Variants in PIK3CB observed in about 807,000 individuals in gnomAD.
The protein encoded by PIK3CB is phosphatidylinositol-4,5-bisphosphate 3-kinase catalytic subunit beta.
Under a neutral mutation model 136.8 loss-of-function variants are expected in PIK3CB, and 39 were observed. The ratio of observed to expected loss-of-function variants is 0.29; its 90% confidence interval spans 0.22 to 0.37. The LOEUF (loss-of-function observed/expected upper bound fraction) is 0.37. PIK3CB is among the 10% of genes least tolerant of loss of function. PIK3CB has a pLI of 1.00. For missense variants in PIK3CB, 868 were observed against 1,275.4 expected (o/e 0.68, Z 4.87); for synonymous variants, 428 against 436.6 (o/e 0.98, Z 0.25).
At chr3:138,781,643 A>G (rs2045925243) in intron 2 of PIK3CB, among the ~76,000 whole-genome samples, 1 of 151,822 alleles carries the variant, frequency 6.6e-6, no homozygotes, top group Non-Finnish European at 1.5e-5. Context: ...TTTAGTAGAG[A>G]CTGGGTTTGT....
intron 16 of PIK3CB, among the ~76,000 whole-genome samples, chr3:138,685,675 T>G (rs1413365638): frequency 1.3e-5 from 2 of 152,124 alleles, no homozygotes; most frequent in Non-Finnish European, 2.9e-5. Context: ...AACGAATTAT[T>G]TTATAATAAA....
chr3:138,787,954 GCT>G (rs1002326273), intron 2 of PIK3CB, among the ~76,000 whole-genome samples: 2 of 132,854 alleles, frequency 1.5e-5, no homozygotes, highest in African/African-American at 2.9e-5. Flanking sequence ...ACATGATCTT[GCT>G]CTGTCACCCA....
intron 19 of PIK3CB, among the ~76,000 whole-genome samples, chr3:138,670,161 G>C (rs568606193): frequency 6.6e-6 from 1 of 152,196 alleles, no homozygotes; most frequent in Non-Finnish European, 1.5e-5. Flanking sequence ...AACTTCATTT[G>C]ATGCTAAATG....
intron 2 of PIK3CB, among the ~76,000 whole-genome samples, chr3:138,772,953 T>A (rs1404007607): frequency 1.3e-5 from 2 of 151,834 alleles, no homozygotes; most frequent in East Asian, 1.9e-4. Flanking sequence ...GCCTGGCTAC[T>A]TTTTTTGTAT....
At position 138,827,632 on chromosome 3, in the gene PIK3CB, T is replaced by C. The variant is rs146851887; in HGVS notation, c.-122+7063A>G. Among the ~76,000 whole-genome samples, 1,028 of 151,966 alleles carry C rather than the reference T, an allele frequency of 6.8e-3. 14 individuals are homozygous for C. The highest frequency in any genetic ancestry group is 0.012 in the Non-Finnish European group (783 of 67,978). On this transcript the variant is annotated intron_variant, in intron 1 of 23. Transcript: ENST00000674063. ...AGTTCGAGGTTACGGTGAGCTACGA[T>C]TGTGCCCCTGCACTCCAGCCTGGGT... is the stretch of plus-strand genomic sequence containing the variant.
At chr3:138,704,757 T>A (rs564984613) in intron 11 of PIK3CB, among the ~76,000 whole-genome samples, 2 of 152,240 alleles carry the variant, frequency 1.3e-5, no homozygotes, top group East Asian at 3.9e-4. Flanking sequence ...AGCTAGCATA[T>A]ATATGTCAAA....
intron 1 of PIK3CB, among the ~76,000 whole-genome samples, chr3:138,802,272 C>T (rs1290089091): frequency 2.0e-5 from 3 of 148,062 alleles, no homozygotes; most frequent in African/African-American, 5.0e-5. Flanking sequence ...CCCAGTTACT[C>T]GGGAGGCTGA....
At chr3:138,656,024 A>G (rs1466409273) in intron 23 of PIK3CB, 118 bp downstream of exon 23, 4 of 1,023,184 alleles carry the variant, frequency 3.9e-6, no homozygotes. Flanking sequence ...CCTGGCTAAG[A>G]ACCATCTTAG....
At chr3:138,746,145 C>G (rs1191214140) in intron 4 of PIK3CB, among the ~76,000 whole-genome samples, 1 of 151,886 alleles carries the variant, frequency 6.6e-6, no homozygotes, top group African/African-American at 2.4e-5. Flanking sequence ...ACTCAGGAGG[C>G]TGAGGTGGGA....
chr3:138,674,137 T>G (rs2043596895), intron 19 of PIK3CB, among the ~76,000 whole-genome samples: 1 of 151,288 alleles, frequency 6.6e-6, no homozygotes, highest in Non-Finnish European at 1.5e-5. Flanking sequence ...TATGGTGCAC[T>G]GAAAAGCTCC....
At chr3:138,824,094 T>A (rs750375339) in intron 1 of PIK3CB, among the ~76,000 whole-genome samples, 1 of 152,168 alleles carries the variant, frequency 6.6e-6, no homozygotes, top group Non-Finnish European at 1.5e-5. Flanking sequence ...GTAAATATTA[T>A]AAATTAGTTA....
intron 19 of PIK3CB, among the ~76,000 whole-genome samples, chr3:138,673,325 A>T (rs956044695): frequency 2.8e-5 from 4 of 142,596 alleles, no homozygotes; most frequent in African/African-American, 3.1e-5. Context: ...AAATGGTGAT[A>T]AAAAAAAGAA....
intron 2 of PIK3CB, among the ~76,000 whole-genome samples, chr3:138,762,198 G>A (rs2045672342): frequency 6.6e-6 from 1 of 151,710 alleles, no homozygotes; most frequent in Non-Finnish European, 1.5e-5. Flanking sequence ...GCAGTGAGCA[G>A]AGATTGTGCC....
At chr3:138,797,779 C>G (rs2046125031) in intron 1 of PIK3CB, among the ~76,000 whole-genome samples, 1 of 151,810 alleles carries the variant, frequency 6.6e-6, no homozygotes, top group Admixed American at 6.6e-5. Context: ...TGCTGTGAAC[C>G]TAAAACTACT....
At position 138,704,496 on chromosome 3, in the gene PIK3CB, GT is replaced by G. The variant is rs2044322542; in HGVS notation, c.1531-4del. 2 of 1,596,216 alleles carry G rather than the reference GT, an allele frequency of 1.3e-6. No individual in the cohort carries two copies. Among genetic ancestry groups the G allele is most frequent in the South Asian group, 2.2e-5 (2 of 90,688 alleles). On this transcript the variant is annotated splice_region_variant and splice_polypyrimidine_tract_variant and intron_variant, in intron 11 of 23. Coordinates refer to ENST00000674063, the MANE Select transcript of PIK3CB (RefSeq NM_006219.3). ...ATCTCAGCTGCCTTTTCAATAATCT[GT>G]TTAAAAAAATTAAAGAAAATGAATT...
At chr3:138,728,316 C>T (rs1376330233) in intron 8 of PIK3CB, among the ~76,000 whole-genome samples, 1 of 152,144 alleles carries the variant, frequency 6.6e-6, no homozygotes, top group Non-Finnish European at 1.5e-5. Flanking sequence ...CAAAGAAAGA[C>T]ATTACAAGTC....
intron 12 of PIK3CB, among the ~76,000 whole-genome samples, chr3:138,700,511 G>T (rs1298053493): frequency 6.6e-6 from 1 of 151,982 alleles, no homozygotes; most frequent in East Asian, 1.9e-4. Context: ...TAAGATAAAT[G>T]ACAGTAACTA....
chr3:138,817,570 T>C (rs758886545), intron 1 of PIK3CB, among the ~76,000 whole-genome samples: 15 of 152,238 alleles, frequency 9.9e-5, no homozygotes, highest in Non-Finnish European at 1.6e-4. Flanking sequence ...ATTAATTAAT[T>C]AATCCTTGCA....
intron 1 of PIK3CB, among the ~76,000 whole-genome samples, chr3:138,807,177 TA>T (rs2108857806): frequency 6.6e-6 from 1 of 152,302 alleles, no homozygotes; most frequent in South Asian, 2.1e-4. Context: ...CTCATGCCTA[TA>T]ACCCTAGCAC....
Sources: gnomAD v4.1 joint callset for allele counts (sites outside exome capture counted in the v4.1 genomes callset) on GRCh38, gnomAD v4.1.1 for gene constraint, MANE v1.5 for transcripts, NCBI Gene and HGNC (gene_info 2026-07-23, HGNC 2026-07-21) for gene names.